The following TBC1D15 variants were observed in gnomAD, a reference collection of about 807,000 sequenced individuals.
TBC1D15 encodes the protein GAP for RAB7.
A neutral mutation model predicts 95.4 loss-of-function variants in TBC1D15; 39 were observed. The ratio of observed to expected loss-of-function variants is 0.41; its 90% CI spans 0.32 to 0.53. TBC1D15 has a LOEUF of 0.53. TBC1D15 is among the 20% of genes least tolerant of loss of function. The pLI is 0.29. For missense variants in TBC1D15, 733 were observed against 794.3 expected (o/e 0.92, Z 0.93); for synonymous variants, 258 against 261.3 (o/e 0.99, Z 0.12).
intron 5 of TBC1D15, among the ~76,000 whole-genome samples, chr12:71,892,062 A>T (rs1415529987): frequency 6.6e-6 from 1 of 152,086 alleles, no homozygotes; most frequent in Non-Finnish European, 1.5e-5. Context: ...TCCATCATTT[A>T]AAAAATGCCT....
rs1200898709 is a variant in TBC1D15 at position 71,923,949 on chromosome 12, C to G, written c.*745C>G. On this transcript the variant is annotated 3_prime_UTR_variant, in exon 17 of 17. Transcript: ENST00000485960. ...CATGGCTTCAGTATGAGATCTTTTT[C>G]AAAACTATTTTCTTAAACATTTATT... is the stretch of plus-strand genomic sequence containing the variant. 6.6e-6 allele frequency: 1 copy of G among 152,424 alleles called. No individual in the cohort carries two copies. Among genetic ancestry groups the G allele is most frequent in the African/African-American group, 2.4e-5 (1 of 41,432 alleles). 9.4% of individuals were successfully genotyped at this position (152,424 alleles called of 1,614,324 possible).
chr12:71,887,726 T>TTGC (rs1210981157), intron 5 of TBC1D15, among the ~76,000 whole-genome samples: 1 of 152,224 alleles, frequency 6.6e-6, no homozygotes, highest in African/African-American at 2.4e-5. Flanking sequence ...ATTTTCTTGT[T>TTGC]TGCTTCCTTC....
chr12:71,908,656 A>C (rs1291733942), intron 11 of TBC1D15, among the ~76,000 whole-genome samples: 2 of 152,216 alleles, frequency 1.3e-5, no homozygotes, highest in African/African-American at 4.8e-5. Flanking sequence ...AAATGTAGTC[A>C]GTCCTGTCTA....
chr12:71,881,640 G>A (rs1269720375), intron 4 of TBC1D15, among the ~76,000 whole-genome samples: 1 of 152,106 alleles, frequency 6.6e-6, no homozygotes, highest in Non-Finnish European at 1.5e-5. Context: ...GTTAAAGGCC[G>A]GGCGCGGTGG....
In TBC1D15 at chr12:71,894,872, G is replaced by A; in HGVS notation, c.844G>A (p.Val282Ile). Residue 282 changes from valine (V) to isoleucine (I), a missense_variant, in exon 7 of 17, where the codon GTC (valine) becomes ATC (isoleucine). Physicochemically the swap from Val to Ile is conservative, Grantham distance 29 (BLOSUM62 3). Transcript: ENST00000485960. ...TCAACAAGAAGAACCAGGATTTGAAGTCATCACAAGAGTGAGTAAAGATTA... is the reference window on the plus strand; with the variant it reads ...TCAACAAGAAGAACCAGGATTTGAAATCATCACAAGAGTGAGTAAAGATTA... Reference protein sequence around the residue: ...INQQEEPGFEVITRIDLGERP... With the variant: ...INQQEEPGFEIITRIDLGERP... The A allele has an allele frequency of 6.2e-7, 1 of 1,612,474 alleles. No homozygotes were observed. The highest frequency in any genetic ancestry group is 8.5e-7 in the Non-Finnish European group (1 of 1,178,860).
intron 5 of TBC1D15, among the ~76,000 whole-genome samples, chr12:71,889,606 A>T (rs1032741830): frequency 7.9e-5 from 12 of 152,240 alleles, no homozygotes; most frequent in Non-Finnish European, 1.6e-4. Flanking sequence ...CCAAATTTAT[A>T]TAAGCCATCC....
Position 71,894,805 on chromosome 12 carries a change from G to C in TBC1D15, c.777G>C (p.Met259Ile), listed in dbSNP as rs138023267. ...CACATCAACGACCACCTTCAGAAAT[G>C]GCAGATTTTCTTAGTGATGCTATTC... ...PSTHQRPPSE[M>I]ADFLSDAIPG... Residue 259 changes from methionine to isoleucine, a missense_variant, in exon 7 of 17, where the codon ATG (methionine) becomes ATC (isoleucine). Coordinates refer to ENST00000485960, the MANE Select transcript of TBC1D15 (RefSeq NM_001146213.3). The C allele has an allele frequency of 3.3e-5, 53 of 1,613,192 alleles. No individual in the cohort carries two copies. The East Asian group carries it at 1.1e-3, about 34-fold the overall frequency.
At position 71,877,562 on chromosome 12, in the gene TBC1D15, T is replaced by TCC. The variant is rs61351685; in HGVS notation, c.205-2907_205-2906insCC. Among the ~76,000 whole-genome samples the TCC allele has an allele frequency of 2.5e-4, 31 of 123,094 alleles. 1 individual carries two copies. The highest frequency in any genetic ancestry group is 1.4e-3 in the East Asian group (7 of 4,894). 80.8% of individuals were successfully genotyped at this position (123,094 alleles called of 152,430 possible). A position where few individuals can be genotyped will look rare whatever the true frequency, so the allele number is the denominator to read the frequency against. On this transcript the variant is annotated intron_variant, in intron 3 of 16. Transcript: ENST00000485960. ...TTCCTTCCTTCCTTCCTTCCTTCCT[T>TCC]TCTTCTTTTTCTTTCTTTCGTATTT...
chr12:71,915,462 A>AAAC (rs1391225551), intron 12 of TBC1D15, among the ~76,000 whole-genome samples: 5 of 151,304 alleles, frequency 3.3e-5, no homozygotes, highest in African/African-American at 9.8e-5. Flanking sequence ...AAAAAAAAAA[A>AAAC]AAACACAACT....
chr12:71,848,822 A>G (rs1886990917), intron 1 of TBC1D15, among the ~76,000 whole-genome samples: 1 of 152,228 alleles, frequency 6.6e-6, no homozygotes, highest in Non-Finnish European at 1.5e-5. Context: ...CTGTGGTAAC[A>G]AAGAACTATG....
At chr12:71,905,802 A>G (rs1409583398) in intron 10 of TBC1D15, among the ~76,000 whole-genome samples, 2 of 152,276 alleles carry the variant, frequency 1.3e-5, no homozygotes, top group Non-Finnish European at 1.5e-5. Context: ...AAATGCCCTT[A>G]CAGAATCTAA....
intron 3 of TBC1D15, among the ~76,000 whole-genome samples, chr12:71,877,584 A>G (rs1894234452): frequency 1.1e-5 from 1 of 94,176 alleles, no homozygotes. Flanking sequence ...TTTCTTTCGT[A>G]TTTATTTATT....
intron 1 of TBC1D15, among the ~76,000 whole-genome samples, chr12:71,844,928 A>G (rs1233234309): frequency 6.6e-6 from 1 of 152,220 alleles, no homozygotes; most frequent in African/African-American, 2.4e-5. Context: ...GTGCTCATAA[A>G]TGTGCTGAAT....
intron 10 of TBC1D15, among the ~76,000 whole-genome samples, chr12:71,904,409 G>A (rs997762340): frequency 6.6e-6 from 1 of 152,190 alleles, no homozygotes; most frequent in Non-Finnish European, 1.5e-5. Context: ...GCTGTAAACA[G>A]ATGTAGAGAA....
chr12:71,841,315 A>G (rs1317217448), intron 1 of TBC1D15: 1 of 152,186 alleles, frequency 6.6e-6, no homozygotes, highest in East Asian at 1.9e-4. Flanking sequence ...TGCAGCCACT[A>G]CCTTTCATAG....
chr12:71,893,432 A>G, intron 6 of TBC1D15, 108 bp downstream of exon 6: 8 of 553,764 alleles, frequency 1.4e-5, no homozygotes, highest in Non-Finnish European at 2.1e-5. Context: ...ACATATATAT[A>G]CATAGATATG....
intron 1 of TBC1D15, among the ~76,000 whole-genome samples, chr12:71,841,592 T>C (rs945692081): frequency 1.3e-5 from 2 of 152,212 alleles, no homozygotes; most frequent in African/African-American, 2.4e-5. Context: ...TATAACACTC[T>C]CTAATCAATA....
At chr12:71,850,911 C>T (rs947955606) in intron 1 of TBC1D15, among the ~76,000 whole-genome samples, 8 of 140,768 alleles carry the variant, frequency 5.7e-5, no homozygotes, top group South Asian at 4.7e-4. Context: ...CGCTTGAACC[C>T]GGGAGGCAGA....
intron 5 of TBC1D15, among the ~76,000 whole-genome samples, chr12:71,887,621 C>G (rs1010062011): frequency 1.3e-5 from 2 of 152,154 alleles, no homozygotes; most frequent in African/African-American, 2.4e-5. Flanking sequence ...TCTTTCTGAT[C>G]CCTGAGGTCT....
Sources: allele counts gnomAD v4.1 joint callset (sites outside exome capture counted in the v4.1 genomes callset), GRCh38; gene constraint gnomAD v4.1.1; transcripts MANE v1.5; gene names NCBI Gene and HGNC (gene_info 2026-07-23, HGNC 2026-07-21).